The following PIEZO2 variants were observed in gnomAD, a reference collection of about 807,000 sequenced individuals.
The protein encoded by PIEZO2 is piezo type mechanosensitive ion channel component 2.
A neutral mutation model predicts 337.3 loss-of-function variants in PIEZO2; 172 were observed. The observed-to-expected ratio is 0.51, with a 90% confidence interval of 0.45 to 0.58. The LOEUF is 0.58. Ranked by LOEUF, PIEZO2 falls within the 20% of genes least tolerant of loss-of-function variation. The probability of loss-of-function intolerance (pLI) is 0.00; values close to 1 mark genes in which losing one functional copy is unlikely to be tolerated. For synonymous variants in PIEZO2, 1,251 were observed against 1,228.5 expected, an observed-to-expected ratio of 1.02 and a Z score of -0.38; for missense variants, 3,028 against 3,391.3, an observed-to-expected ratio of 0.89 and a Z score of 2.66.
intron 3 of PIEZO2, among the ~76,000 whole-genome samples, chr18:10,923,424 A>G (rs1222442282): frequency 6.6e-6 from 1 of 152,178 alleles, no homozygotes; most frequent in Non-Finnish European, 1.5e-5. Flanking sequence ...GCTTTCAGGA[A>G]CAAAGGTGGA....
In PIEZO2 at chr18:11,097,460, T is replaced by C. The variant is rs139870832; in HGVS notation, c.65-31238A>G. 1.1e-3 allele frequency among the ~76,000 whole-genome samples: 160 copies of C among 152,326 alleles called. 1 individual carries two copies. The highest frequency in any genetic ancestry group is 2.7e-3 in the East Asian group (14 of 5,180). On this transcript the variant is annotated intron_variant, in intron 1 of 55. Transcript: ENST00000674853. This position sits in a 1 kb window ranked among gnomAD's most constrained non-coding sequence, Gnocchi z 5.0. Reference sequence around the variant, plus strand: ...TTTGCTGGTCACAGATGTAGAAGGATTGAGTCCAGAGTTTACTACAGAGAA... The same window carrying C: ...TTTGCTGGTCACAGATGTAGAAGGACTGAGTCCAGAGTTTACTACAGAGAA...
intron 2 of PIEZO2, among the ~76,000 whole-genome samples, chr18:10,997,348 A>G (rs964493495): frequency 6.6e-6 from 1 of 152,206 alleles, no homozygotes; most frequent in South Asian, 2.1e-4. Context: ...TCAAAATGTC[A>G]AGGATATAAT....
At position 10,763,048 on chromosome 18, in the gene PIEZO2, C is replaced by T. The variant is rs188464402; in HGVS notation, c.2997G>A (p.Pro999=). 2.3e-4 allele frequency: 361 copies of T among 1,537,302 alleles called. No individual in the cohort carries two copies. Among genetic ancestry groups the T allele is most frequent in the Non-Finnish European group, 3.0e-4 (339 of 1,146,930 alleles). The change falls in exon 22 of 56, where the codon CCG becomes CCA. Residue 999 remains proline (P), a synonymous_variant. Transcript: ENST00000674853. The part of the protein sequence containing the change: ...VFLISWAFAL[P]YAKLRRLASS... ...AAGCCAGACGGCGCAGCTTGGCGTA[C>T]GGCAGAGCAAAAGCCCAAGAAATCA...
intron 2 of PIEZO2, among the ~76,000 whole-genome samples, chr18:11,039,394 C>G (rs773658661): frequency 6.6e-6 from 1 of 152,116 alleles, no homozygotes. Context: ...TTAGAGACAT[C>G]GTTTGAACAG....
chr18:11,121,034 C>T (rs1174248903), intron 1 of PIEZO2, among the ~76,000 whole-genome samples: 1 of 152,114 alleles, frequency 6.6e-6, no homozygotes, highest in African/African-American at 2.4e-5. Context: ...AAGTGGATCA[C>T]TTGAGGTCAG....
chr18:10,795,066 G>C lies in PIEZO2; in HGVS notation c.1528-64C>G. The C allele has an allele frequency of 7.4e-7, 1 of 1,345,882 alleles. No homozygotes were observed. Among genetic ancestry groups the C allele is most frequent in the Non-Finnish European group, 1.0e-6 (1 of 977,168 alleles). 83.4% of individuals were successfully genotyped at this position (1,345,882 alleles called of 1,614,324 possible). A position where few individuals can be genotyped will look rare whatever the true frequency, so the allele number is the denominator to read the frequency against. On this transcript the variant is annotated intron_variant, in intron 12 of 55. Transcript: ENST00000674853. The surrounding 1 kb of genome is among the most constrained non-coding windows in gnomAD (Gnocchi z 4.4). The stretch of plus-strand genomic sequence containing the variant: ...ACAATGCTCAGTCCCCCCCGCCCTG[G>C]TAAGGTAAAAACTATCTAAAAAGAA...
In PIEZO2 at chr18:10,980,556, T is replaced by G. The variant is rs2034626565; in HGVS notation, c.161-896A>C. Among the ~76,000 whole-genome samples, 1 of 152,198 alleles carries G rather than the reference T, an allele frequency of 6.6e-6. No homozygotes were observed. The highest frequency in any genetic ancestry group is 1.5e-5 in the Non-Finnish European group (1 of 68,016). On this transcript the variant is annotated intron_variant, in intron 2 of 55. Coordinates refer to ENST00000674853, the MANE Select transcript of PIEZO2 (RefSeq NM_001378183.1). This position sits in a 1 kb window ranked among gnomAD's most constrained non-coding sequence, Gnocchi z 4.8. The stretch of plus-strand genomic sequence containing the variant: ...AAGAGATACAATGAAGATTGTTAAC[T>G]AGACTTATTTGCAGATAATATGATC...
At chr18:10,681,818 GA>G (rs1486892797) in intron 50 of PIEZO2, 65 bp from the exon 51 acceptor site, 1 of 1,356,876 alleles carries the variant, frequency 7.4e-7, no homozygotes, top group Non-Finnish European at 1.0e-6. Flanking sequence ...TGAGTCAAAA[GA>G]AAAACATTTA....
In PIEZO2 at chr18:10,724,998, C is replaced by T; in HGVS notation, c.5029+6409G>A. 6 of 1,586,194 alleles carry T rather than the reference C, an allele frequency of 3.8e-6. No individual in the cohort carries two copies. Among genetic ancestry groups the T allele is most frequent in the Non-Finnish European group, 5.2e-6 (6 of 1,159,006 alleles). ...TGCCTCACATTACTAAGACTCAAAG[C>T]GATGCAGGCCATAGTGCCAGCAAGA... On this transcript the variant is annotated intron_variant, in intron 36 of 55. Coordinates refer to ENST00000674853, the MANE Select transcript of PIEZO2 (RefSeq NM_001378183.1). The surrounding 1 kb of genome is among the most constrained non-coding windows in gnomAD (Gnocchi z 5.8).
intron 3 of PIEZO2, among the ~76,000 whole-genome samples, chr18:10,957,781 A>G (rs2033605339): frequency 1.3e-5 from 2 of 152,228 alleles, no homozygotes; most frequent in South Asian, 4.1e-4. Flanking sequence ...AAAAGGAGCT[A>G]ATATCCAAAA....
At chr18:10,712,063 C>T (rs756846514) in intron 39 of PIEZO2, among the ~76,000 whole-genome samples, 3 of 152,196 alleles carry the variant, frequency 2.0e-5, no homozygotes, top group Non-Finnish European at 4.4e-5. Context: ...CTATCATTCT[C>T]TTGGTTTTTG....
intron 3 of PIEZO2, among the ~76,000 whole-genome samples, chr18:10,931,530 C>T (rs264256): frequency 0.07 from 10,667 of 152,232 alleles, 778 homozygotes; most frequent in African/African-American, 0.18. Context: ...GACTCTAGAA[C>T]TTAATACTTT....
chr18:10,763,538 G>A (rs939768562), intron 21 of PIEZO2, among the ~76,000 whole-genome samples: 1 of 152,184 alleles, frequency 6.6e-6, no homozygotes, highest in African/African-American at 2.4e-5. Context: ...GCATGGTGGG[G>A]ACAGGCAACA....
At position 10,773,932 on chromosome 18, in the gene PIEZO2, C is replaced by A; in HGVS notation, c.2567+74G>T. On this transcript the variant is annotated intron_variant, in intron 19 of 55. Coordinates refer to ENST00000674853, the MANE Select transcript of PIEZO2 (RefSeq NM_001378183.1). The surrounding 1 kb of genome is among the most constrained non-coding windows in gnomAD (Gnocchi z 5.3). ...CATTTTTCCCAGAGGAGAAAATGGT[C>A]AGAGTTTAGGGTGTAGAAGCATGAA... 1.5e-6 allele frequency: 1 copy of A among 684,804 alleles called. No homozygotes were observed. The highest frequency in any genetic ancestry group is 1.6e-5 in the South Asian group (1 of 64,144). The allele number at this position is 684,804 out of a possible 1,614,324, so 42.4% of individuals were successfully genotyped here. A position where few individuals can be genotyped will look rare whatever the true frequency, so the allele number is the denominator to read the frequency against.
intron 1 of PIEZO2, among the ~76,000 whole-genome samples, chr18:11,091,160 C>T (rs913054521): frequency 6.6e-6 from 1 of 151,834 alleles, no homozygotes; most frequent in African/African-American, 2.4e-5. Flanking sequence ...CCAAGGTGGG[C>T]GGATCACGAG....
chr18:10,715,052 G>A (rs981417257), intron 38 of PIEZO2, 122 bp from the exon 39 acceptor site: 37 of 969,916 alleles, frequency 3.8e-5, no homozygotes, highest in Non-Finnish European at 5.3e-5. Flanking sequence ...TTAGGACCAT[G>A]CTAGGCAAGT....
At chr18:10,958,900 T>C (rs1598746084) in intron 3 of PIEZO2, among the ~76,000 whole-genome samples, 1 of 152,310 alleles carries the variant, frequency 6.6e-6, no homozygotes, top group East Asian at 1.9e-4. Context: ...TAAAGTTTAC[T>C]GGCACAGTTA....
rs924251050 is a variant in PIEZO2 at position 10,748,409 on chromosome 18, G to A, written c.4424+62C>T. 1.4e-6 allele frequency: 2 copies of A among 1,448,126 alleles called. No homozygotes were observed. The highest frequency in any genetic ancestry group is 1.9e-6 in the Non-Finnish European group (2 of 1,070,288). The allele number at this position is 1,448,126 out of a possible 1,614,324, so 89.7% of individuals were successfully genotyped here. On this transcript the variant is annotated intron_variant, in intron 30 of 55. Transcript: ENST00000674853. This position sits in a 1 kb window ranked among gnomAD's most constrained non-coding sequence, Gnocchi z 5.1. Reference sequence around the variant, plus strand: ...GAAGCAAGCTCAGACAGAAATGATAGTGCAATATTATTTCAGGCAAGTTTC... The same window carrying A: ...GAAGCAAGCTCAGACAGAAATGATAATGCAATATTATTTCAGGCAAGTTTC...
intron 4 of PIEZO2, among the ~76,000 whole-genome samples, chr18:10,905,032 T>TAA (rs2043140479): frequency 6.6e-6 from 1 of 152,232 alleles, no homozygotes; most frequent in Non-Finnish European, 1.5e-5. Flanking sequence ...TATTTTGGTC[T>TAA]TAATCTTAAA....
Sources: allele counts gnomAD v4.1 joint callset (sites outside exome capture counted in the v4.1 genomes callset), GRCh38; gene constraint gnomAD v4.1.1; non-coding constraint Gnocchi (gnomAD v3.1); transcripts MANE v1.5; gene names NCBI Gene and HGNC (gene_info 2026-07-23, HGNC 2026-07-21).